The following RSRC1 variants were observed in gnomAD, a reference collection of about 807,000 sequenced individuals.
RSRC1 encodes arginine and serine rich coiled-coil 1, also known as serine/Arginine-related protein 53.
RSRC1 carries 39 observed loss-of-function variants against 49.1 expected under a neutral mutation model. The observed-to-expected ratio is 0.79, with a 90% CI of 0.61 to 1.04. The LOEUF (loss-of-function observed/expected upper bound fraction) is 1.04. Ranked by LOEUF, RSRC1 falls within the 50% of genes least tolerant of loss-of-function variation. RSRC1 has a pLI of 0.00. For synonymous variants in RSRC1, 143 were observed against 130.8 expected (o/e 1.09, Z -0.63); for missense variants, 388 against 402.4 (o/e 0.96, Z 0.31).
At chr3:158,340,405 A>G (rs1037396600) in intron 5 of RSRC1, among the ~76,000 whole-genome samples, 1 of 151,978 alleles carries the variant, frequency 6.6e-6, no homozygotes, top group African/African-American at 2.4e-5. Flanking sequence ...GCTGGGCATG[A>G]TGGCATGCAC....
At chr3:158,419,417 C>T (rs1276863037) in intron 6 of RSRC1, among the ~76,000 whole-genome samples, 2 of 151,916 alleles carry the variant, frequency 1.3e-5, no homozygotes, top group East Asian at 1.9e-4. Context: ...TAATTGTCTT[C>T]ATTGTCATAG....
At chr3:158,223,165 G>A (rs370107746) in intron 4 of RSRC1, among the ~76,000 whole-genome samples, 7 of 151,586 alleles carry the variant, frequency 4.6e-5, no homozygotes, top group African/African-American at 1.7e-4. Flanking sequence ...TTCCTCGTAT[G>A]CCCTTCGTCT....
intron 3 of RSRC1, among the ~76,000 whole-genome samples, chr3:158,152,396 AG>A (rs1717597688): frequency 6.6e-6 from 1 of 152,202 alleles, no homozygotes; most frequent in African/African-American, 2.4e-5. Context: ...TCATTCCAGT[AG>A]TATCACTAGT....
intron 5 of RSRC1, among the ~76,000 whole-genome samples, chr3:158,313,578 A>G (rs1255387650): frequency 6.6e-6 from 1 of 152,208 alleles, no homozygotes; most frequent in African/African-American, 2.4e-5. Context: ...AGAATTGAGC[A>G]TAGAGCATTA....
intron 3 of RSRC1, among the ~76,000 whole-genome samples, chr3:158,134,311 T>G (rs765681367): frequency 1.3e-4 from 20 of 152,212 alleles, no homozygotes; most frequent in Non-Finnish European, 2.4e-4. Flanking sequence ...TACCGTGTAT[T>G]TATAAGCATC....
chr3:158,339,350 A>G (rs1730104287), intron 5 of RSRC1, among the ~76,000 whole-genome samples: 1 of 151,598 alleles, frequency 6.6e-6, no homozygotes, highest in African/African-American at 2.4e-5. Context: ...TCAGGCAGCT[A>G]ATGTTCTATT....
chr3:158,273,144 C>T (rs940942463), intron 4 of RSRC1, among the ~76,000 whole-genome samples: 1 of 152,012 alleles, frequency 6.6e-6, no homozygotes, highest in East Asian at 1.9e-4. Flanking sequence ...ATCTCAATGA[C>T]GTATAGCAAT....
intron 5 of RSRC1, among the ~76,000 whole-genome samples, chr3:158,333,262 G>T (rs1000839758): frequency 6.6e-6 from 1 of 152,114 alleles, no homozygotes; most frequent in Non-Finnish European, 1.5e-5. Context: ...ATTGTGATGA[G>T]CAGACTTGCA....
At chr3:158,120,213 T>G (rs1715155004) in intron 1 of RSRC1, among the ~76,000 whole-genome samples, 1 of 152,196 alleles carries the variant, frequency 6.6e-6, no homozygotes, top group African/African-American at 2.4e-5. Context: ...GGAAACTGGC[T>G]TAGATATGTA....
At chr3:158,244,164 G>C (rs1190392748) in intron 4 of RSRC1, among the ~76,000 whole-genome samples, 1 of 152,048 alleles carries the variant, frequency 6.6e-6, no homozygotes, top group Non-Finnish European at 1.5e-5. Context: ...ATACTATGTT[G>C]AATAGGAGTG....
At chr3:158,197,703 G>A (rs553979724) in intron 3 of RSRC1, among the ~76,000 whole-genome samples, 4 of 152,126 alleles carry the variant, frequency 2.6e-5, no homozygotes, top group Non-Finnish European at 4.4e-5. Flanking sequence ...CTTTGTTCTC[G>A]TTGGTTTCAA....
chr3:158,378,017 T>TC (rs1311643696), intron 6 of RSRC1, among the ~76,000 whole-genome samples: 1 of 152,160 alleles, frequency 6.6e-6, no homozygotes, highest in East Asian at 1.9e-4. Flanking sequence ...TGCTCTTTTT[T>TC]CCCTCCCAAT....
intron 7 of RSRC1, among the ~76,000 whole-genome samples, chr3:158,531,783 A>G (rs896985578): frequency 1.3e-5 from 2 of 151,982 alleles, no homozygotes; most frequent in Non-Finnish European, 2.9e-5. Context: ...TTTAAAATGT[A>G]CTGTTTTGAA....
At chr3:158,196,367 C>T (rs1344139434) in intron 3 of RSRC1, among the ~76,000 whole-genome samples, 1 of 152,178 alleles carries the variant, frequency 6.6e-6, no homozygotes, top group Non-Finnish European at 1.5e-5. Context: ...TGAGACTTTG[C>T]TGAAGTTGCT....
intron 4 of RSRC1, among the ~76,000 whole-genome samples, chr3:158,228,238 G>C (rs765543686): frequency 7.9e-5 from 12 of 151,898 alleles, no homozygotes; most frequent in Non-Finnish European, 1.3e-4. Flanking sequence ...ATTAGGAAAG[G>C]GATGGATGCT....
chr3:158,127,864 A>T (rs1318953373), intron 3 of RSRC1, among the ~76,000 whole-genome samples: 1 of 148,606 alleles, frequency 6.7e-6, no homozygotes, highest in Non-Finnish European at 1.5e-5. Context: ...TTCACCAACC[A>T]GCTTTTTTCA....
chr3:158,455,415 C>T (rs1031968384), intron 6 of RSRC1, among the ~76,000 whole-genome samples: 3 of 152,100 alleles, frequency 2.0e-5, no homozygotes, highest in Non-Finnish European at 4.4e-5. Flanking sequence ...TGATGATTCA[C>T]AGCCATAGGG....
intron 3 of RSRC1, among the ~76,000 whole-genome samples, chr3:158,181,327 T>C (rs1724729): frequency 0.58 from 88,102 of 152,024 alleles, 25,839 homozygotes; most frequent in East Asian, 0.73. Context: ...GTTCATAATA[T>C]AGACTTGGCT....
intron 6 of RSRC1, among the ~76,000 whole-genome samples, chr3:158,403,547 T>C (rs577186118): frequency 6.6e-6 from 1 of 151,908 alleles, no homozygotes; most frequent in East Asian, 1.9e-4. Flanking sequence ...AGAAGTAAAA[T>C]TTAGCAGTTT....
Sources: allele counts gnomAD v4.1 joint callset (sites outside exome capture counted in the v4.1 genomes callset), GRCh38; gene constraint gnomAD v4.1.1; transcripts MANE v1.5; gene names NCBI Gene and HGNC (gene_info 2026-07-23, HGNC 2026-07-21).